The following RFPL2 variants were observed in gnomAD, a reference collection of about 807,000 sequenced individuals.
RFPL2 encodes the protein ret finger protein-like 2.
Under a neutral mutation model 17.8 loss-of-function variants are expected in RFPL2, and 13 were observed. The ratio of observed to expected loss-of-function variants is 0.73; its 90% CI spans 0.47 to 1.16. RFPL2 has a LOEUF of 1.16. Ranked by LOEUF, RFPL2 falls within the 50% of genes most tolerant of loss-of-function variation. The probability of loss-of-function intolerance (pLI) is 0.00; values close to 1 mark genes in which losing one functional copy is unlikely to be tolerated. For missense variants in RFPL2, 431 were observed against 479.3 expected (o/e 0.90, Z 0.94); for synonymous variants, 189 against 180.9 (o/e 1.04, Z -0.36).
chr22:32,202,794 G>T, intron 1 of RFPL2: 1 of 1,082,480 alleles, frequency 9.2e-7, no homozygotes, highest in Non-Finnish European at 1.1e-6. Context: ...AGCAGGAGCA[G>T]CAGAAACTCA....
At chr22:32,200,196 G>T in intron 2 of RFPL2, 1 of 369,108 alleles carries the variant, frequency 2.7e-6, no homozygotes, top group South Asian at 2.2e-5. Context: ...CAAAGAGAGC[G>T]CTGTGGAGAA....
intron 4 of RFPL2, among the ~76,000 whole-genome samples, chr22:32,191,688 T>G (rs553697840): frequency 3.9e-5 from 6 of 152,326 alleles, no homozygotes; most frequent in South Asian, 4.1e-4. Flanking sequence ...AAATAAATGA[T>G]AAGACAATGC....
Position 32,202,531 on chromosome 22 carries a change from G to A in RFPL2, c.-80C>T. On this transcript the variant is annotated 5_prime_UTR_variant, in exon 2 of 5. Transcript: ENST00000652607. ...CCTTCTCAGGGCACTGGGCATCCGG[G>A]CAGACAAAGCCAGAAAAGCCTAGAA... 6.5e-7 allele frequency: 1 copy of A among 1,538,182 alleles called. No individual in the cohort carries two copies.
chr22:32,194,361 T>G lies in RFPL2; in HGVS notation c.249A>C (p.Gly83=). The G allele has an allele frequency of 6.2e-7, 1 of 1,601,998 alleles. No individual in the cohort carries two copies. ...TGGGCTCACCTCTTCTGCTGGAAGC[T>G]CCTCTGTCCTCCAGCTGCTTCCACT... is the stretch of plus-strand genomic sequence containing the variant. ...SAQWKQLEDR[G]ASSRRVDMAA... is the part of the protein sequence containing the mutation. Residue 83 remains glycine, a synonymous_variant, in exon 3 of 5, where the codon GGA becomes GGC. Transcript: ENST00000652607.
chr22:32,198,800 C>T (rs979262228), intron 2 of RFPL2, among the ~76,000 whole-genome samples: 1 of 151,458 alleles, frequency 6.6e-6, no homozygotes, highest in South Asian at 2.1e-4. Flanking sequence ...CTCAGAGGTA[C>T]GGCACTAGGC....
At chr22:32,204,626 C>A (rs1924345234) in intron 1 of RFPL2, among the ~76,000 whole-genome samples, 81 bp downstream of exon 1, 1 of 152,198 alleles carries the variant, frequency 6.6e-6, no homozygotes, top group Non-Finnish European at 1.5e-5. Context: ...TCTCCCTCAC[C>A]GCCACCAACG....
chr22:32,202,033 C>T (rs953945532), intron 2 of RFPL2, among the ~76,000 whole-genome samples: 2 of 152,158 alleles, frequency 1.3e-5, no homozygotes, highest in Admixed American at 6.5e-5. Flanking sequence ...CCAGCAGGGC[C>T]GGGCTCCTTC....
intron 1 of RFPL2, chr22:32,202,783 A>T (rs970030100): frequency 9.2e-7 from 1 of 1,084,418 alleles, no homozygotes; most frequent in East Asian, 7.0e-5. Flanking sequence ...ACTCCTCGGG[A>T]AGCAGGAGCA....
intron 1 of RFPL2, among the ~76,000 whole-genome samples, chr22:32,204,124 C>G (rs1603214878): frequency 6.7e-6 from 1 of 150,188 alleles, no homozygotes; most frequent in African/African-American, 2.5e-5. Context: ...GCACCCCCAC[C>G]CCCGCCACTG....
chr22:32,202,767 G>T, intron 1 of RFPL2: 1 of 1,107,270 alleles, frequency 9.0e-7, no homozygotes, highest in Non-Finnish European at 1.1e-6. Flanking sequence ...CAGCCACCCT[G>T]GCTGCACTCC....
intron 2 of RFPL2, among the ~76,000 whole-genome samples, chr22:32,200,528 C>A (rs1231541371): frequency 6.6e-6 from 1 of 152,034 alleles, no homozygotes; most frequent in African/African-American, 2.4e-5. Flanking sequence ...GGGAAACAGG[C>A]CAGGCCATGC....
intron 2 of RFPL2, among the ~76,000 whole-genome samples, chr22:32,195,857 GC>G (rs1029922034): frequency 2.2e-4 from 34 of 152,014 alleles, no homozygotes; most frequent in Non-Finnish European, 1.6e-4. Flanking sequence ...CCACAGTTGT[GC>G]TAGAGCCCAT....
chr22:32,204,296 C>A (rs1213473746), intron 1 of RFPL2, among the ~76,000 whole-genome samples: 1 of 151,892 alleles, frequency 6.6e-6, no homozygotes, highest in African/African-American at 2.4e-5. Context: ...GCGCCCCCAA[C>A]CCGTACCCCA....
chr22:32,195,705 G>A (rs1438984441), intron 2 of RFPL2, among the ~76,000 whole-genome samples: 2 of 151,630 alleles, frequency 1.3e-5, no homozygotes, highest in African/African-American at 2.4e-5. Flanking sequence ...TAACCCGCCC[G>A]CCTTGGCCTC....
intron 2 of RFPL2, among the ~76,000 whole-genome samples, chr22:32,201,453 A>G (rs1828720403): frequency 6.6e-6 from 1 of 152,206 alleles, no homozygotes; most frequent in African/African-American, 2.4e-5. Context: ...GTCTTAACCA[A>G]GGCCTCAATA....
At chr22:32,203,043 A>T in intron 1 of RFPL2, 1 of 985,784 alleles carries the variant, frequency 1.0e-6, no homozygotes, top group Non-Finnish European at 1.2e-6. Flanking sequence ...GGTGGCCGGG[A>T]AGAGGAGGAC....
rs1251119489 is a variant in RFPL2 at position 32,198,196 on chromosome 22, G to A, written c.120-3706C>T. Among the ~76,000 whole-genome samples, 3 of 152,140 alleles carry A rather than the reference G, an allele frequency of 2.0e-5. No individual in the cohort carries two copies. The East Asian group carries it at 5.8e-4, about 29-fold the overall frequency. On this transcript the variant is annotated intron_variant, in intron 2 of 4. Transcript: ENST00000652607. ...ATCAGGGTTACAACAACCCTGTAGT[G>A]TAGAGAATCCCTGTCCCTTTCCATG... is the stretch of plus-strand genomic sequence containing the variant.
At chr22:32,202,662 C>T (rs1924064382) in intron 1 of RFPL2, 112 bp from the exon 2 acceptor site, 16 of 1,381,272 alleles carry the variant, frequency 1.2e-5, no homozygotes, top group Non-Finnish European at 1.5e-5. Flanking sequence ...AAAGTCCAGC[C>T]TCTCCTTTTA....
At chr22:32,200,697 C>T (rs1463530182) in intron 2 of RFPL2, among the ~76,000 whole-genome samples, 1 of 152,084 alleles carries the variant, frequency 6.6e-6, no homozygotes, top group Non-Finnish European at 1.5e-5. Flanking sequence ...GTCTACCCAC[C>T]CACCACGGCC....
Sources: allele counts gnomAD v4.1 joint callset (sites outside exome capture counted in the v4.1 genomes callset), GRCh38; gene constraint gnomAD v4.1.1; transcripts MANE v1.5; gene names NCBI Gene and HGNC (gene_info 2026-07-23, HGNC 2026-07-21).